Variants in MDN1 observed in about 807,000 individuals in gnomAD.
MDN1 encodes the protein midasin.
In MDN1, 266 loss-of-function variants were observed where a neutral mutation model predicts 669.2. The observed-to-expected ratio is 0.40, with a 90% confidence interval of 0.36 to 0.44. The LOEUF (loss-of-function observed/expected upper bound fraction) is 0.44, where lower values mean the gene tolerates loss of function less well. MDN1 is among the 20% of genes least tolerant of loss of function. The pLI, the probability that MDN1 is intolerant of heterozygous loss-of-function variation, is 1.00. For missense variants in MDN1, 5,940 were observed against 6,754.0 expected (o/e 0.88, Z 4.22); for synonymous variants, 2,385 against 2,457.1 (o/e 0.97, Z 0.87).
At chr6:89,670,170 A>ATATATATATATATTTTTTTTTT (rs1444537561) in intron 83 of MDN1, among the ~76,000 whole-genome samples, 4 of 23,410 alleles carry the variant, frequency 1.7e-4, no homozygotes, top group Admixed American at 9.6e-4. Flanking sequence ...ATATATATAT[A>ATATATATATATATTTTTTTTTT]TTTTTTTTTT....
intron 92 of MDN1, among the ~76,000 whole-genome samples, chr6:89,655,332 C>G (rs886922886): frequency 4.6e-5 from 7 of 152,146 alleles, no homozygotes; most frequent in African/African-American, 1.7e-4. Context: ...AAATTCATAG[C>G]ACCTGTCAGT....
chr6:89,750,970 A>G (rs1358447637), intron 23 of MDN1, among the ~76,000 whole-genome samples: 1 of 149,718 alleles, frequency 6.7e-6, no homozygotes, highest in Non-Finnish European at 1.5e-5. Flanking sequence ...TTAAAAGAGC[A>G]TTTTTTTTTC....
chr6:89,805,034 CAAA>C (rs34538984), intron 1 of MDN1, among the ~76,000 whole-genome samples: 3 of 58,510 alleles, frequency 5.1e-5, no homozygotes, highest in African/African-American at 7.9e-5. Flanking sequence ...GACTCCGTCT[CAAA>C]AAAAAAAAAA....
chr6:89,673,224 A>G lies in MDN1; in HGVS notation c.13474+12T>C. On this transcript the variant is annotated intron_variant, in intron 80 of 101. Coordinates refer to ENST00000369393, the MANE Select transcript of MDN1 (RefSeq NM_014611.3). ...CTGGACTTTCATTCCCTGACTGAACAATATTCCTTACCTCCTTGGCTATCT... is the reference window on the plus strand; with the variant it reads ...CTGGACTTTCATTCCCTGACTGAACGATATTCCTTACCTCCTTGGCTATCT... The G allele has an allele frequency of 1.2e-6, 2 of 1,602,422 alleles. No individual in the cohort carries two copies. Among genetic ancestry groups the G allele is most frequent in the Non-Finnish European group, 1.7e-6 (2 of 1,169,428 alleles).
At position 89,819,764 on chromosome 6, in the gene MDN1, C is replaced by A. The variant is rs1295358398; in HGVS notation, c.-157G>T. 6.4e-6 allele frequency: 4 copies of A among 625,388 alleles called. No homozygotes were observed. The highest frequency in any genetic ancestry group is 2.8e-5 in the East Asian group (1 of 36,086). 38.7% of individuals were successfully genotyped at this position (625,388 alleles called of 1,614,324 possible). A position where few individuals can be genotyped will look rare whatever the true frequency, so the allele number is the denominator to read the frequency against. ...CCTACACCGGGAGAGGGGCACCACA[C>A]GTGGGTGAGCACACGGCGTTTGACG... On this transcript the variant is annotated 5_prime_UTR_variant, in exon 1 of 102. Coordinates refer to ENST00000369393, the MANE Select transcript of MDN1 (RefSeq NM_014611.3).
rs1383613677 is a variant in MDN1, at chr6:89,670,984, T to C, written c.13891A>G (p.Thr4631Ala). 6.2e-7 allele frequency: 1 copy of C among 1,614,014 alleles called. No homozygotes were observed. The highest frequency in any genetic ancestry group is 8.5e-7 in the Non-Finnish European group (1 of 1,180,002). Residue 4631 changes from threonine (T) to alanine (A), a missense_variant, in exon 83 of 102, where the codon ACT (threonine) becomes GCT (alanine). By Grantham distance (58) the Thr-to-Ala change is moderately conservative. This residue lies in a region of MDN1 where 2,280 missense variants were observed against 2,576.3 expected (regional missense o/e 0.88). Coordinates refer to ENST00000369393, the MANE Select transcript of MDN1 (RefSeq NM_014611.3). ...AGCAGCTTTGCAGTACTACGGTGAG[T>C]TGCTAAAGACATGGTCAGGAAGAAG... ...VLFFLTMSLA[T>A]HRSTAKLLSV...
chr6:89,743,127 A>T (rs780077704), intron 31 of MDN1, 23 bp downstream of exon 31: 1 of 1,608,268 alleles, frequency 6.2e-7, no homozygotes, highest in South Asian at 1.1e-5. Flanking sequence ...ATCAAACACA[A>T]GGCAAACCTC....
chr6:89,695,874 C>G lies in MDN1; in HGVS notation c.9502G>C (p.Gly3168Arg). The change falls in exon 61 of 102, where the codon GGG becomes CGG. Residue 3168 changes from glycine (G) to arginine (R), a missense_variant. Gly to Arg is a moderately radical substitution (Grantham distance 125, BLOSUM62 -2). Transcript: ENST00000369393. The surrounding 1 kb of genome is among the most constrained non-coding windows in gnomAD (Gnocchi z 4.1). ...ACATGCTGGAAGGCCTGGCTGCTCC[C>G]AAGCAGCAGCTGCTCACAGTTCTGC... ...YMQNCEQLLL[G>R]SSQAFQHVGQ... 1 of 1,613,396 alleles carries G rather than the reference C, an allele frequency of 6.2e-7. No individual in the cohort carries two copies. The highest frequency in any genetic ancestry group is 8.5e-7 in the Non-Finnish European group (1 of 1,180,028).
In MDN1 at chr6:89,693,046, C is replaced by T; in HGVS notation, c.9984G>A (p.Gln3328=). The T allele has an allele frequency of 6.2e-7, 1 of 1,614,170 alleles. No individual in the cohort carries two copies. The highest frequency in any genetic ancestry group is 1.3e-5 in the African/African-American group (1 of 75,034). Residue 3328 remains glutamine (Q), a synonymous_variant, in exon 63 of 102, where the codon CAG becomes CAA. Coordinates refer to ENST00000369393, the MANE Select transcript of MDN1 (RefSeq NM_014611.3). ...PQLPAYESLV[Q]EIHHYVTSIA... is the part of the protein sequence containing the mutation. ...TGCTGGTGACGTAGTGGTGGATCTC[C>T]TGAACCAGGGACTCGTAGGCAGGCA...
At chr6:89,646,387 A>G (rs1808492869) in intron 100 of MDN1, among the ~76,000 whole-genome samples, 153 bp downstream of exon 100, 1 of 152,264 alleles carries the variant, frequency 6.6e-6, no homozygotes, top group African/African-American at 2.4e-5. Flanking sequence ...GAATGAATAA[A>G]TAAGTAAAAA....
At position 89,668,102 on chromosome 6, in the gene MDN1, G is replaced by A; in HGVS notation, c.14006C>T (p.Ala4669Val). Residue 4669 changes from alanine to valine, a missense_variant, in exon 84 of 102, where the codon GCA (alanine) becomes GTA (valine). Physicochemically the swap from Ala to Val is moderately conservative, Grantham distance 64. Transcript: ENST00000369393. The stretch of plus-strand genomic sequence containing the variant: ...TCCCTCATAGTCATGGAACTCAGTT[G>A]CTCCCTCTCCAGCTGAATCTTCCAT... ...EFMEDSAGEG[A>V]TEFHDYEGGG... The A allele has an allele frequency of 3.1e-6, 5 of 1,614,030 alleles. No individual in the cohort carries two copies. The highest frequency in any genetic ancestry group is 3.4e-6 in the Non-Finnish European group (4 of 1,179,992).
chr6:89,708,475 A>C, intron 51 of MDN1, 21 bp downstream of exon 51: 1 of 1,613,086 alleles, frequency 6.2e-7, no homozygotes, highest in Non-Finnish European at 8.5e-7. Flanking sequence ...AACAGTGCCC[A>C]GAGCAGCAGG....
At chr6:89,682,920 G>A (rs1453800415) in intron 73 of MDN1, among the ~76,000 whole-genome samples, 12 of 150,332 alleles carry the variant, frequency 8.0e-5, no homozygotes, top group East Asian at 7.8e-4. Context: ...GCAATAGCAC[G>A]AGAATCTGTC....
intron 73 of MDN1, among the ~76,000 whole-genome samples, chr6:89,681,932 G>A (rs539870784): frequency 1.8e-4 from 27 of 152,196 alleles, no homozygotes; most frequent in East Asian, 9.7e-4. Context: ...GATTACAGCC[G>A]TGAGCCACTA....
In MDN1 at chr6:89,684,446, C is replaced by T. The variant is rs985104243; in HGVS notation, c.11829+430G>A. Among the ~76,000 whole-genome samples the T allele has an allele frequency of 4.6e-5, 7 of 150,896 alleles. No individual in the cohort carries two copies. The Middle Eastern group carries it at 0.011, about 229-fold the overall frequency. On this transcript the variant is annotated intron_variant, in intron 71 of 101. Transcript: ENST00000369393. ...CAGTCATTAAGTCACCTGACATATA[C>T]TCCAGCTTAGGAACCACCAAGTTAG...
At chr6:89,701,732 C>T in intron 54 of MDN1, 54 bp from the exon 55 acceptor site, 8 of 1,576,046 alleles carry the variant, frequency 5.1e-6, no homozygotes, top group Non-Finnish European at 6.0e-6. Context: ...AAATGCTAGA[C>T]AGTAAGAGAA....
chr6:89,761,279 T>C (rs1325625033), intron 17 of MDN1, among the ~76,000 whole-genome samples: 1 of 152,240 alleles, frequency 6.6e-6, no homozygotes, highest in East Asian at 1.9e-4. Context: ...AATAATGTCT[T>C]GTACATTTCA....
intron 1 of MDN1, among the ~76,000 whole-genome samples, chr6:89,805,405 G>C (rs1005115003): frequency 2.0e-5 from 3 of 152,152 alleles, no homozygotes; most frequent in African/African-American, 7.2e-5. Context: ...AGCCAGGCTT[G>C]GTGGCATGCG....
At chr6:89,803,965 G>T (rs147535429) in intron 1 of MDN1, among the ~76,000 whole-genome samples, 633 of 139,874 alleles carry the variant, frequency 4.5e-3, no homozygotes, top group Middle Eastern at 0.022. Flanking sequence ...GCAGTGGCAC[G>T]ATTTTGGCTC....
Sources: allele counts gnomAD v4.1 joint callset (sites outside exome capture counted in the v4.1 genomes callset), GRCh38; gene constraint gnomAD v4.1.1; regional missense constraint gnomAD v4.1.1; non-coding constraint Gnocchi (gnomAD v3.1); transcripts MANE v1.5; gene names NCBI Gene and HGNC (gene_info 2026-07-23, HGNC 2026-07-21).